DOT1L: variants seen among roughly 807,000 people sequenced by gnomAD.
The protein encoded by DOT1L is histone-lysine N-methyltransferase, H3 lysine-79 specific.
In DOT1L, 33 loss-of-function variants were observed where a neutral mutation model predicts 153.3. That is an observed-to-expected ratio of 0.22 (90% CI 0.16 to 0.29). The LOEUF (loss-of-function observed/expected upper bound fraction) is 0.29. Ranked by LOEUF, DOT1L falls within the 10% of genes least tolerant of loss-of-function variation. The pLI is 1.00. For synonymous variants in DOT1L, 1,135 were observed against 965.1 expected, an observed-to-expected ratio of 1.18 and a Z score of -3.26; for missense variants, 1,847 against 2,119.9, an observed-to-expected ratio of 0.87 and a Z score of 2.53.
Position 2,231,788 on chromosome 19 carries a change from C to T in DOT1L, c.*1996C>T. 1 of 215,948 alleles carries T rather than the reference C, an allele frequency of 4.6e-6. No individual in the cohort carries two copies. Among genetic ancestry groups the T allele is most frequent in the Admixed American group, 5.8e-5 (1 of 17,096 alleles). 13.4% of individuals were successfully genotyped at this position (215,948 alleles called of 1,614,324 possible). On this transcript the variant is annotated 3_prime_UTR_variant, in exon 28 of 28. Coordinates refer to ENST00000398665, the MANE Select transcript of DOT1L (RefSeq NM_032482.3). Reference sequence around the variant, plus strand: ...TTTAAACACTGTATTACTTCTGCCTCCCTCTAGGTGACAGTGGCAGTCCGG... The same window carrying T: ...TTTAAACACTGTATTACTTCTGCCTTCCTCTAGGTGACAGTGGCAGTCCGG...
At chr19:2,187,672 C>A (rs1398524245) in intron 3 of DOT1L, among the ~76,000 whole-genome samples, 1 of 152,094 alleles carries the variant, frequency 6.6e-6, no homozygotes, top group African/African-American at 2.4e-5. Context: ...CCTGTAATCC[C>A]AGCACTTTGG....
chr19:2,210,364 T>A, intron 12 of DOT1L, 36 bp from the exon 13 acceptor site: 1 of 1,477,730 alleles, frequency 6.8e-7, no homozygotes, highest in South Asian at 1.3e-5. Context: ...TGGGCAGCGC[T>A]GGGGCTTCCT....
At chr19:2,209,472 C>T (rs1287754378) in intron 12 of DOT1L, among the ~76,000 whole-genome samples, 1 of 152,224 alleles carries the variant, frequency 6.6e-6, no homozygotes, top group Non-Finnish European at 1.5e-5. Flanking sequence ...CCTCTTGAGG[C>T]CTGGGGGGCC....
At position 2,217,905 on chromosome 19, in the gene DOT1L, G is replaced by A. The variant is rs780866328; in HGVS notation, c.2678G>A (p.Arg893His). Residue 893 changes from arginine to histidine, a missense_variant, in exon 22 of 28, where the codon CGC becomes CAC. Physicochemically the swap from Arg to His is conservative, Grantham distance 29 (BLOSUM62 0). Transcript: ENST00000398665. This position sits in a 1 kb window ranked among gnomAD's most constrained non-coding sequence, Gnocchi z 7.3. ...IPLASVVLPS[R>H]AERARSTPSP... ...CTGGCCAGCGTGGTGCTGCCCAGCC[G>A]CGCCGAGAGGGCGGTGAGTGGCTCC... 5.0e-6 allele frequency: 8 copies of A among 1,611,950 alleles called. No individual in the cohort carries two copies. The highest frequency in any genetic ancestry group is 6.8e-6 in the Non-Finnish European group (8 of 1,179,714).
In DOT1L at chr19:2,222,049, C is replaced by G. The variant is rs747744066; in HGVS notation, c.2880C>G (p.Ala960=). ...GCCCGGCCTCTCTCACACCTGGAGC[C>G]GAGCCGGCCACCTTGGATGAGTCCT... ...AGSPASLTPG[A]EPATLDESSS... The change falls in exon 24 of 28, where the codon GCC becomes GCG. Residue 960 remains alanine (A), a synonymous_variant. Transcript: ENST00000398665. The surrounding 1 kb of genome is among the most constrained non-coding windows in gnomAD (Gnocchi z 6.5). 1.9e-6 allele frequency: 3 copies of G among 1,613,122 alleles called. No homozygotes were observed. The highest frequency in any genetic ancestry group is 2.5e-6 in the Non-Finnish European group (3 of 1,179,854).
chr19:2,187,328 C>T (rs185311203), intron 3 of DOT1L, among the ~76,000 whole-genome samples: 60 of 152,366 alleles, frequency 3.9e-4, no homozygotes, highest in East Asian at 9.6e-4. Context: ...GAGCAGCGAG[C>T]GTGTCAGACG....
In DOT1L at chr19:2,227,053, C is replaced by T. The variant is rs2144939367; in HGVS notation, c.4532C>T (p.Ser1511Leu). The change falls in exon 27 of 28, where the codon TCG becomes TTG. Residue 1511 changes from serine to leucine, a missense_variant. By Grantham distance (145) the Ser-to-Leu change is moderately radical. This residue lies in a region of DOT1L where 934 missense variants were observed against 825.3 expected (regional missense o/e 1.13). Coordinates refer to ENST00000398665, the MANE Select transcript of DOT1L (RefSeq NM_032482.3). ...GCCGCCGCAGGCCTGGTGCACGTGT[C>T]GTCCGCTGCCACCAGACTGACCAAC... is the stretch of plus-strand genomic sequence containing the variant. ...VPAAAGLVHV[S>L]SAATRLTNSH... 6.4e-7 allele frequency: 1 copy of T among 1,574,278 alleles called. No homozygotes were observed. The highest frequency in any genetic ancestry group is 8.6e-7 in the Non-Finnish European group (1 of 1,165,902).
In DOT1L at chr19:2,217,079, A is replaced by C; in HGVS notation, c.2533A>C (p.Ser845Arg). The C allele has an allele frequency of 6.2e-7, 1 of 1,603,164 alleles. No homozygotes were observed. The highest frequency in any genetic ancestry group is 8.5e-7 in the Non-Finnish European group (1 of 1,173,302). ...PGALQLAGEKSSEKGLRERAY... is the reference protein window; with the variant it reads ...PGALQLAGEKRSEKGLRERAY... ...GGCCTTGCAGCTTGCTGGAGAGAAG[A>C]GCAGTGAGAAGGTGCGGGCCGCGAC... Residue 845 changes from serine (S) to arginine (R), a missense_variant, in exon 21 of 28, where the codon AGC becomes CGC. Physicochemically the swap from Ser to Arg is moderately radical, Grantham distance 110 (BLOSUM62 -1). Coordinates refer to ENST00000398665, the MANE Select transcript of DOT1L (RefSeq NM_032482.3). This position sits in a 1 kb window ranked among gnomAD's most constrained non-coding sequence, Gnocchi z 7.3.
rs371878008 is a variant in DOT1L at position 2,216,549 on chromosome 19, C to T, written c.2192C>T (p.Ser731Leu). ...TGCGGTGTGCTGAGCCGGCCTTCGTCGAAGCAGAACACGCCCCAGTACCTG... is the reference window on the plus strand; with the variant it reads ...TGCGGTGTGCTGAGCCGGCCTTCGTTGAAGCAGAACACGCCCCAGTACCTG... Reference protein sequence around the residue: ...ELCGVLSRPSSKQNTPQYLAS... With the variant: ...ELCGVLSRPSLKQNTPQYLAS... Residue 731 changes from serine (S) to leucine (L), a missense_variant, in exon 20 of 28, where the codon TCG becomes TTG. Ser to Leu is a moderately radical substitution (Grantham distance 145, BLOSUM62 -2). This residue lies in a region of DOT1L where 281 missense variants were observed against 263.6 expected (regional missense o/e 1.07). Coordinates refer to ENST00000398665, the MANE Select transcript of DOT1L (RefSeq NM_032482.3). The T allele has an allele frequency of 3.5e-5, 57 of 1,610,412 alleles. No homozygotes were observed. The highest frequency in any genetic ancestry group is 5.0e-5 in the Admixed American group (3 of 60,006).
chr19:2,184,071 G>A (rs1362252895), intron 2 of DOT1L, among the ~76,000 whole-genome samples: 5 of 152,194 alleles, frequency 3.3e-5, no homozygotes, highest in Non-Finnish European at 5.9e-5. Flanking sequence ...GCAGAACCAC[G>A]GGACTGAGTG....
chr19:2,181,805 G>A (rs1042509811), intron 2 of DOT1L, among the ~76,000 whole-genome samples: 9 of 147,138 alleles, frequency 6.1e-5, no homozygotes, highest in East Asian at 6.0e-4. Context: ...CAGCCCAGCT[G>A]CAGCATGCTT....
chr19:2,186,178 A>T (rs73514469), intron 3 of DOT1L, among the ~76,000 whole-genome samples: 1 of 152,244 alleles, frequency 6.6e-6, no homozygotes, highest in Non-Finnish European at 1.5e-5. Flanking sequence ...GCATGTGTGG[A>T]GTCAGCCCGC....
At chr19:2,171,949 G>T (rs2021655695) in intron 1 of DOT1L, among the ~76,000 whole-genome samples, 1 of 152,214 alleles carries the variant, frequency 6.6e-6, no homozygotes, top group Non-Finnish European at 1.5e-5. Context: ...TGATTGCCCG[G>T]CTCCACGTCC....
At position 2,164,198 on chromosome 19, in the gene DOT1L, T is replaced by G. The variant is rs954850357; in HGVS notation, c.14T>G (p.Leu5Arg). Residue 5 changes from leucine to arginine, a missense_variant, in exon 1 of 28, where the codon CTG becomes CGG. By Grantham distance (102) the Leu-to-Arg change is moderately radical (BLOSUM62 -2). Around this residue, in one of 8 missense-constraint regions of DOT1L, gnomAD observed 37 missense variants for 31.0 expected, o/e 1.19. Transcript: ENST00000398665. MGEK[L>R]ELRLKSPVGA... ...GCGCGCGCGGACATGGGGGAGAAGCTGGAGCTGAGACTGAAGTCGCCCGTG... is the reference window on the plus strand; with the variant it reads ...GCGCGCGCGGACATGGGGGAGAAGCGGGAGCTGAGACTGAAGTCGCCCGTG... 1.6e-6 allele frequency: 2 copies of G among 1,247,982 alleles called. No individual in the cohort carries two copies. Among genetic ancestry groups the G allele is most frequent in the South Asian group, 7.0e-5 (2 of 28,772 alleles). The allele number at this position is 1,247,982 out of a possible 1,614,324, so 77.3% of individuals were successfully genotyped here. A position where few individuals can be genotyped will look rare whatever the true frequency, so the allele number is the denominator to read the frequency against.
chr19:2,180,559 C>G (rs969067324), intron 1 of DOT1L, among the ~76,000 whole-genome samples, 154 bp from the exon 2 acceptor site: 9 of 152,088 alleles, frequency 5.9e-5, no homozygotes, highest in Admixed American at 1.3e-4. Flanking sequence ...CTGGGAGTGT[C>G]TCTGGTGGTA....
chr19:2,165,284 G>GCA (rs1479584719), intron 1 of DOT1L, among the ~76,000 whole-genome samples: 2 of 151,994 alleles, frequency 1.3e-5, no homozygotes, highest in African/African-American at 4.8e-5. Flanking sequence ...TGGGACTCCC[G>GCA]CGCGCGCTGG....
chr19:2,166,572 C>T (rs1036574437), intron 1 of DOT1L, among the ~76,000 whole-genome samples: 19 of 151,972 alleles, frequency 1.3e-4, no homozygotes, highest in Admixed American at 1.3e-4. Flanking sequence ...CCACCACGTC[C>T]GGCTAATTTT....
chr19:2,214,443 C>T (rs757989714), intron 18 of DOT1L, 28 bp from the exon 19 acceptor site: 25 of 1,607,414 alleles, frequency 1.6e-5, no homozygotes, highest in East Asian at 6.7e-5. Context: ...GCCAGCCAGT[C>T]GCAACTGTCC....
chr19:2,219,876 C>T (rs1290598876), intron 22 of DOT1L, among the ~76,000 whole-genome samples: 2 of 152,228 alleles, frequency 1.3e-5, no homozygotes, highest in South Asian at 2.1e-4. Context: ...TCCTGACCTC[C>T]CTGCCTCAGG....
Sources: allele counts gnomAD v4.1 joint callset (sites outside exome capture counted in the v4.1 genomes callset), GRCh38; gene constraint gnomAD v4.1.1; regional missense constraint gnomAD v4.1.1; non-coding constraint Gnocchi (gnomAD v3.1); transcripts MANE v1.5; gene names NCBI Gene and HGNC (gene_info 2026-07-23, HGNC 2026-07-21).